The following PLEKHM3 variants were observed in gnomAD, a reference collection of about 807,000 sequenced individuals.
The protein encoded by PLEKHM3 is pleckstrin homology domain-containing family M member 3.
In PLEKHM3, 45 loss-of-function variants were observed where a neutral mutation model predicts 81.8. The observed-to-expected ratio is 0.55, with a 90% CI of 0.43 to 0.71. The LOEUF (loss-of-function observed/expected upper bound fraction) is 0.71. Ranked by LOEUF, PLEKHM3 falls within the 30% of genes least tolerant of loss-of-function variation. The pLI is 0.00. For missense variants in PLEKHM3, 788 were observed against 924.3 expected (o/e 0.85, Z 1.91); for synonymous variants, 352 against 356.4 (o/e 0.99, Z 0.14).
rs1331454493 is a variant in PLEKHM3 at position 207,843,232 on chromosome 2, T to C, written c.2109-14736A>G. On this transcript the variant is annotated intron_variant, in intron 7 of 7. Coordinates refer to ENST00000427836, the MANE Select transcript of PLEKHM3 (RefSeq NM_001080475.3). The surrounding 1 kb of genome is among the most constrained non-coding windows in gnomAD (Gnocchi z 4.4). ...CCCAAAGTGTTGGCCTCCTTTGGCC[T>C]CCCAAAGTGTTGAGCCACCGCACCA... Among the ~76,000 whole-genome samples, 1 of 152,112 alleles carries C rather than the reference T, an allele frequency of 6.6e-6. No homozygotes were observed. Among genetic ancestry groups the C allele is most frequent in the African/African-American group, 2.4e-5 (1 of 41,432 alleles).
intron 3 of PLEKHM3, among the ~76,000 whole-genome samples, chr2:207,960,024 C>T (rs1405359503): frequency 1.3e-5 from 2 of 152,136 alleles, no homozygotes; most frequent in African/African-American, 2.4e-5. Flanking sequence ...TTTAACTATA[C>T]ATTTAGTATT....
At chr2:207,901,186 C>T (rs555088904) in intron 6 of PLEKHM3, 1 of 694,754 alleles carries the variant, frequency 1.4e-6, no homozygotes, top group East Asian at 2.7e-5. Context: ...TCTGATCTGG[C>T]TTCCACAAAA....
intron 7 of PLEKHM3, among the ~76,000 whole-genome samples, chr2:207,832,593 A>T (rs1314873571): frequency 6.6e-6 from 1 of 151,358 alleles, no homozygotes; most frequent in Non-Finnish European, 1.5e-5. Flanking sequence ...GGAGTTCGAG[A>T]CCATCCTGGT....
chr2:207,923,896 TATATATA>T (rs1689283381), intron 5 of PLEKHM3, among the ~76,000 whole-genome samples: 2 of 84,996 alleles, frequency 2.4e-5, no homozygotes, highest in Non-Finnish European at 4.8e-5. Flanking sequence ...TATATATATA[TATATATA>T]TATTTTTTTT....
At chr2:207,851,896 C>T (rs1287472419) in intron 7 of PLEKHM3, among the ~76,000 whole-genome samples, 1 of 152,088 alleles carries the variant, frequency 6.6e-6, no homozygotes, top group Non-Finnish European at 1.5e-5. Flanking sequence ...CTCAGCTTCA[C>T]AGGTACCCCT....
At chr2:207,894,084 C>A (rs1390471265) in intron 6 of PLEKHM3, among the ~76,000 whole-genome samples, 5 of 152,116 alleles carry the variant, frequency 3.3e-5, no homozygotes, top group Non-Finnish European at 5.9e-5. Context: ...GCACTACATT[C>A]CAGCCTGGGT....
At chr2:207,923,582 G>C (rs1207025568) in intron 5 of PLEKHM3, among the ~76,000 whole-genome samples, 1 of 152,028 alleles carries the variant, frequency 6.6e-6, no homozygotes, top group African/African-American at 2.4e-5. Flanking sequence ...ACTCCAGCCT[G>C]GGTGACAAGA....
intron 4 of PLEKHM3, among the ~76,000 whole-genome samples, chr2:207,933,094 C>T (rs1421725749): frequency 2.6e-5 from 4 of 152,236 alleles, no homozygotes; most frequent in African/African-American, 2.4e-5. Context: ...TAGCATCCTG[C>T]AGAGTTAGAG....
At chr2:207,952,768 T>C (rs2105980735) in intron 3 of PLEKHM3, among the ~76,000 whole-genome samples, 1 of 152,254 alleles carries the variant, frequency 6.6e-6, no homozygotes, top group African/African-American at 2.4e-5. Flanking sequence ...GAGCTGAAAT[T>C]TGAGACTGAC....
At chr2:207,906,784 C>CAAATAAATAAAT (rs138131382) in intron 6 of PLEKHM3, among the ~76,000 whole-genome samples, 3 of 151,542 alleles carry the variant, frequency 2.0e-5, no homozygotes, top group African/African-American at 7.3e-5. Flanking sequence ...GCGAGACTGT[C>CAAATAAATAAAT]AAATAAATAA....
chr2:207,865,797 A>ATATATATATATATAT (rs1559212735), intron 6 of PLEKHM3, among the ~76,000 whole-genome samples: 3 of 38,110 alleles, frequency 7.9e-5, no homozygotes, highest in African/African-American at 4.0e-4. Context: ...AAAAAAAAAA[A>ATATATATATATATAT]AAAAAGATAT....
At chr2:207,869,190 T>C (rs2092519023) in intron 6 of PLEKHM3, among the ~76,000 whole-genome samples, 1 of 152,208 alleles carries the variant, frequency 6.6e-6, no homozygotes, top group African/African-American at 2.4e-5. Flanking sequence ...ATTAGAAGGC[T>C]GGTAGTTTTT....
chr2:208,001,390 T>G lies in PLEKHM3; in HGVS notation c.250A>C (p.Lys84Gln). ...DHCKSRLLET[K>Q]AQNVFPAKEQ... ...TTGGCAGGGAAGACATTTTGAGCTT[T>G]GGTTTCTAAGAGCCTGCTCTTACAG... The change falls in exon 2 of 8, where the codon AAA (lysine) becomes CAA (glutamine). Residue 84 changes from lysine to glutamine, a missense_variant. Physicochemically the swap from Lys to Gln is moderately conservative, Grantham distance 53 (BLOSUM62 1). Transcript: ENST00000427836. 6.2e-7 allele frequency: 1 copy of G among 1,614,198 alleles called. No individual in the cohort carries two copies. Among genetic ancestry groups the G allele is most frequent in the Non-Finnish European group, 8.5e-7 (1 of 1,180,026 alleles).
At chr2:207,893,664 T>C (rs1688133298) in intron 6 of PLEKHM3, among the ~76,000 whole-genome samples, 1 of 152,014 alleles carries the variant, frequency 6.6e-6, no homozygotes, top group Admixed American at 6.5e-5. Context: ...CACACATATA[T>C]ATGCATGACA....
At chr2:207,880,267 C>T (rs957100768) in intron 6 of PLEKHM3, among the ~76,000 whole-genome samples, 3 of 151,990 alleles carry the variant, frequency 2.0e-5, no homozygotes, top group East Asian at 1.9e-4. Context: ...ATTAGCTGGG[C>T]GTGGTGGCAT....
chr2:207,841,490 T>A (rs2092353830), intron 7 of PLEKHM3, among the ~76,000 whole-genome samples: 1 of 52,646 alleles, frequency 1.9e-5, no homozygotes. Flanking sequence ...AATATATATA[T>A]ATATATATAT....
chr2:207,924,345 C>T (rs995512136), intron 5 of PLEKHM3, among the ~76,000 whole-genome samples: 11 of 152,088 alleles, frequency 7.2e-5, no homozygotes, highest in East Asian at 1.9e-4. Context: ...TAGTCAGTGT[C>T]GATTTACAGA....
chr2:207,940,423 T>C (rs1463687821), intron 4 of PLEKHM3, among the ~76,000 whole-genome samples: 1 of 152,188 alleles, frequency 6.6e-6, no homozygotes, highest in Non-Finnish European at 1.5e-5. Context: ...CAGCAGTAAC[T>C]CTGTAAGGCA....
At chr2:207,906,083 C>A (rs948557486) in intron 6 of PLEKHM3, among the ~76,000 whole-genome samples, 1 of 152,206 alleles carries the variant, frequency 6.6e-6, no homozygotes, top group Admixed American at 6.5e-5. Flanking sequence ...TCAAAACTCA[C>A]GTTTGAAAGG....
Sources: gnomAD v4.1 joint callset for allele counts (sites outside exome capture counted in the v4.1 genomes callset) on GRCh38, gnomAD v4.1.1 for gene constraint, Gnocchi (gnomAD v3.1) non-coding constraint, MANE v1.5 for transcripts, NCBI Gene and HGNC (gene_info 2026-07-23, HGNC 2026-07-21) for gene names.